The following MYOZ3 variants were observed in gnomAD, a reference collection of about 807,000 sequenced individuals.
MYOZ3 encodes the protein myozenin-3.
In MYOZ3, 19 loss-of-function variants were observed where a neutral mutation model predicts 26.5. The observed-to-expected ratio is 0.72, with a 90% CI of 0.50 to 1.05. MYOZ3 has a LOEUF of 1.05. MYOZ3 is among the 50% of genes least tolerant of loss of function. The probability of loss-of-function intolerance (pLI) is 0.00; values close to 1 mark genes in which losing one functional copy is unlikely to be tolerated. For synonymous variants in MYOZ3, 135 were observed against 138.8 expected (o/e 0.97, Z 0.19); for missense variants, 322 against 337.1 (o/e 0.96, Z 0.35).
chr5:150,672,179 C>G, intron 5 of MYOZ3, 161 bp from the exon 6 acceptor site: 2 of 1,137,620 alleles, frequency 1.8e-6, no homozygotes, highest in East Asian at 2.6e-5. Context: ...GGGGAGGGGT[C>G]TCCTGTGCTG....
Position 150,676,876 on chromosome 5 carries a change from C to T in MYOZ3, c.*1C>T, listed in dbSNP as rs773158786. On this transcript the variant is annotated 3_prime_UTR_variant, in exon 7 of 7. Coordinates refer to ENST00000517768, the MANE Select transcript of MYOZ3 (RefSeq NM_001122853.3). Reference sequence around the variant, plus strand: ...CCTCCCAGAGTCCGAGGAGCTGTAGCCCTAGCCTGAATCTTCAGTTCCCCA... The same window carrying T: ...CCTCCCAGAGTCCGAGGAGCTGTAGTCCTAGCCTGAATCTTCAGTTCCCCA... 6 of 1,606,030 alleles carry T rather than the reference C, an allele frequency of 3.7e-6. No individual in the cohort carries two copies. The highest frequency in any genetic ancestry group is 5.1e-6 in the Non-Finnish European group (6 of 1,178,050).
chr5:150,676,896 TC>T lies in MYOZ3; in HGVS notation c.*25del. 2 of 1,581,518 alleles carry T rather than the reference TC, an allele frequency of 1.3e-6. No individual in the cohort carries two copies. Among genetic ancestry groups the T allele is most frequent in the Non-Finnish European group, 1.7e-6 (2 of 1,164,436 alleles). ...TGTAGCCCTAGCCTGAATCTTCAGT[TC>T]CCCAGTCTCGGGGGCCTGGTAACAT... On this transcript the variant is annotated 3_prime_UTR_variant, in exon 7 of 7. Coordinates refer to ENST00000517768, the MANE Select transcript of MYOZ3 (RefSeq NM_001122853.3).
Position 150,676,829 on chromosome 5 carries a change from T to C in MYOZ3, c.710T>C (p.Val237Ala), listed in dbSNP as rs982331924. The part of the protein sequence containing the change: ...LLRLRPSFNR[V>A]AQGWVRNLPE... Reference sequence around the variant, plus strand: ...CGTCTCAGACCCAGCTTCAACAGAGTGGCCCAGGGCTGGGTCCGTAACCTC... The same window carrying C: ...CGTCTCAGACCCAGCTTCAACAGAGCGGCCCAGGGCTGGGTCCGTAACCTC... Residue 237 changes from valine (V) to alanine (A), a missense_variant, in exon 7 of 7, where the codon GTG becomes GCG. Val to Ala is a moderately conservative substitution (Grantham distance 64). Transcript: ENST00000517768. The C allele has an allele frequency of 1.9e-6, 3 of 1,613,464 alleles. No homozygotes were observed. Among genetic ancestry groups the C allele is most frequent in the African/African-American group, 2.7e-5 (2 of 74,888 alleles).
At chr5:150,671,516 C>CTTTTTT in intron 3 of MYOZ3, 81 bp from the exon 4 acceptor site, 1 of 1,422,100 alleles carries the variant, frequency 7.0e-7, no homozygotes, top group Admixed American at 2.0e-5. Context: ...TCCCCCCGAC[C>CTTTTTT]TTTTTTTTTG....
Position 150,667,113 on chromosome 5 carries a change from G to A in MYOZ3, c.62-3371G>A, listed in dbSNP as rs142977158. On this transcript the variant is annotated intron_variant, in intron 2 of 6. Transcript: ENST00000517768. ...CATAAAAAGTGTCCTTTATGTGTCCGTTGAAAGAATAAAAAAAAATCAGTG... is the reference window on the plus strand; with the variant it reads ...CATAAAAAGTGTCCTTTATGTGTCCATTGAAAGAATAAAAAAAAATCAGTG... 8.3e-4 allele frequency among the ~76,000 whole-genome samples: 126 copies of A among 152,048 alleles called. No individual in the cohort carries two copies. The East Asian group carries it at 0.022, about 27-fold the overall frequency.
intron 5 of MYOZ3, 186 bp from the exon 6 acceptor site, chr5:150,672,154 C>G (rs770822147): frequency 8.2e-5 from 87 of 1,054,934 alleles, no homozygotes; most frequent in Non-Finnish European, 1.2e-4. Context: ...TGCAGTCCTC[C>G]GTGTTTCCTG....
chr5:150,662,310 TGGAACAGGA>T (rs2151442037), intron 1 of MYOZ3, among the ~76,000 whole-genome samples: 2 of 152,140 alleles, frequency 1.3e-5, no homozygotes, highest in South Asian at 4.1e-4. Flanking sequence ...AATAGGGGGA[TGGAACAGGA>T]GGAAGAGAAG....
At chr5:150,672,170 G>T in intron 5 of MYOZ3, 170 bp from the exon 6 acceptor site, 1 of 1,093,170 alleles carries the variant, frequency 9.1e-7, no homozygotes, top group Non-Finnish European at 1.4e-6. Flanking sequence ...TCCTGGGATG[G>T]GGAGGGGTCT....
intron 2 of MYOZ3, among the ~76,000 whole-genome samples, chr5:150,667,039 G>T (rs1010657192): frequency 6.6e-5 from 10 of 152,150 alleles, no homozygotes; most frequent in African/African-American, 2.2e-4. Context: ...GATTATGGGT[G>T]TGAGCCACTG....
intron 1 of MYOZ3, 113 bp downstream of exon 1, chr5:150,661,540 GT>G (rs890617072): frequency 7.2e-5 from 11 of 152,232 alleles, no homozygotes; most frequent in African/African-American, 2.4e-4. Flanking sequence ...GATCTAGGGA[GT>G]TTGGGGCCCC....
At chr5:150,676,543 C>CAAAAAAA (rs749959393) in intron 6 of MYOZ3, among the ~76,000 whole-genome samples, 164 bp from the exon 7 acceptor site, 3,295 of 57,820 alleles carry the variant, frequency 0.057, 295 homozygotes, top group African/African-American at 0.16. Context: ...GACTCTGTCT[C>CAAAAAAA]AAAAAAAAAA....
At chr5:150,668,158 C>T (rs77989111) in intron 2 of MYOZ3, among the ~76,000 whole-genome samples, 3,533 of 152,290 alleles carry the variant, frequency 0.023, 166 homozygotes, top group African/African-American at 0.081. Context: ...GAATGTCCTG[C>T]GTCCTGGATT....
At chr5:150,669,408 T>A (rs964543312) in intron 2 of MYOZ3, among the ~76,000 whole-genome samples, 2 of 151,436 alleles carry the variant, frequency 1.3e-5, no homozygotes, top group African/African-American at 4.9e-5. Flanking sequence ...GATTGTGCCA[T>A]TGCACTCCAG....
intron 6 of MYOZ3, 154 bp downstream of exon 6, chr5:150,672,656 G>T: frequency 1.2e-6 from 1 of 856,580 alleles, no homozygotes; most frequent in Non-Finnish European, 1.8e-6. Context: ...CTGGAACAGC[G>T]CCTCCGCACC....
At position 150,661,322 on chromosome 5, in the gene MYOZ3, C is replaced by T. The variant is rs1261588234; in HGVS notation, c.-107C>T. On this transcript the variant is annotated 5_prime_UTR_variant, in exon 1 of 7. Coordinates refer to ENST00000517768, the MANE Select transcript of MYOZ3 (RefSeq NM_001122853.3). ...TGCTCGCTGCCTACTGACTGCTGAC[C>T]GCTGACTGCCTACAGGGACGCCACG... The T allele has an allele frequency of 3.3e-5, 5 of 152,610 alleles. No homozygotes were observed. The highest frequency in any genetic ancestry group is 2.9e-5 in the Non-Finnish European group (2 of 68,092). 9.5% of individuals were successfully genotyped at this position (152,610 alleles called of 1,614,324 possible).
chr5:150,674,192 T>A (rs1254544793), intron 6 of MYOZ3, among the ~76,000 whole-genome samples: 5 of 152,206 alleles, frequency 3.3e-5, no homozygotes, highest in Admixed American at 3.3e-4. Flanking sequence ...AGGACTGCCC[T>A]ATCTCCTCCT....
chr5:150,665,720 T>A (rs554516548), intron 2 of MYOZ3, among the ~76,000 whole-genome samples: 9 of 152,088 alleles, frequency 5.9e-5, no homozygotes, highest in Non-Finnish European at 1.2e-4. Flanking sequence ...TGAGCCACTG[T>A]GCCTGCCATT....
In MYOZ3 at chr5:150,676,816, A is replaced by G. The variant is rs1384552992; in HGVS notation, c.697A>G (p.Ser233Gly). 1 of 1,613,818 alleles carries G rather than the reference A, an allele frequency of 6.2e-7. No individual in the cohort carries two copies. Among genetic ancestry groups the G allele is most frequent in the South Asian group, 1.1e-5 (1 of 91,082 alleles). ...SGLELLRLRPSFNRVAQGWVR... is the reference protein window; with the variant it reads ...SGLELLRLRPGFNRVAQGWVR... ...CTTGGAACTCCTCCGTCTCAGACCC[A>G]GCTTCAACAGAGTGGCCCAGGGCTG... Residue 233 changes from serine (S) to glycine (G), a missense_variant, in exon 7 of 7, where the codon AGC (serine) becomes GGC (glycine). By Grantham distance (56) the Ser-to-Gly change is moderately conservative (BLOSUM62 0). Transcript: ENST00000517768.
At position 150,661,265 on chromosome 5, in the gene MYOZ3, G is replaced by T. The variant is rs962538966; in HGVS notation, c.-164G>T. On this transcript the variant is annotated 5_prime_UTR_variant, in exon 1 of 7. Transcript: ENST00000517768. ...GGCAAGGCAGGAATGATTCTCATCAGCTGAAGCCAGAGCTGGCTGCAGGGG... is the reference window on the plus strand; with the variant it reads ...GGCAAGGCAGGAATGATTCTCATCATCTGAAGCCAGAGCTGGCTGCAGGGG... The T allele has an allele frequency of 5.2e-5, 8 of 152,432 alleles. No individual in the cohort carries two copies. Among genetic ancestry groups the T allele is most frequent in the African/African-American group, 1.9e-4 (8 of 41,468 alleles). The allele number at this position is 152,432 out of a possible 1,614,324, so 9.4% of individuals were successfully genotyped here.
Sources: gnomAD v4.1 joint callset for allele counts (sites outside exome capture counted in the v4.1 genomes callset) on GRCh38, gnomAD v4.1.1 for gene constraint, MANE v1.5 for transcripts, NCBI Gene and HGNC (gene_info 2026-07-23, HGNC 2026-07-21) for gene names.